The following HTR1F variants were observed in gnomAD, a reference collection of about 807,000 sequenced individuals.
HTR1F encodes the protein 5-hydroxytryptamine receptor 1F.
HTR1F carries 17 observed loss-of-function variants against 24.0 expected under a neutral mutation model. The ratio of observed to expected loss-of-function variants is 0.71; its 90% CI spans 0.48 to 1.06. The LOEUF (loss-of-function observed/expected upper bound fraction) is 1.06, where lower values mean the gene tolerates loss of function less well. Among genes scored for constraint, HTR1F ranks in the 50% least tolerant of loss-of-function variants. HTR1F has a pLI of 0.00. For synonymous variants in HTR1F, 186 were observed against 156.8 expected (o/e 1.19, Z -1.39); for missense variants, 391 against 427.8 (o/e 0.91, Z 0.76).
intron 2 of HTR1F, among the ~76,000 whole-genome samples, chr3:87,914,382 C>G (rs1349824402): frequency 6.6e-6 from 1 of 152,166 alleles, no homozygotes; most frequent in Non-Finnish European, 1.5e-5. Flanking sequence ...TCCGATATTG[C>G]AGATTCCATG....
chr3:87,944,650 AG>A (rs771201634), intron 2 of HTR1F, among the ~76,000 whole-genome samples: 8 of 152,358 alleles, frequency 5.3e-5, no homozygotes, highest in Non-Finnish European at 1.2e-4. Context: ...CTAACAGAAT[AG>A]CCCCATACTT....
chr3:87,973,275 G>A (rs1282138978), intron 2 of HTR1F, among the ~76,000 whole-genome samples: 2 of 152,148 alleles, frequency 1.3e-5, no homozygotes, highest in East Asian at 3.8e-4. Context: ...GGTATGTAAA[G>A]AGCTTCCTTT....
intron 2 of HTR1F, among the ~76,000 whole-genome samples, chr3:87,887,790 G>C (rs1705986322): frequency 6.6e-6 from 1 of 152,216 alleles, no homozygotes; most frequent in Admixed American, 6.5e-5. Context: ...ACACCAGTTA[G>C]AACGGCGATC....
At chr3:87,899,530 A>G (rs1308975154) in intron 2 of HTR1F, among the ~76,000 whole-genome samples, 1 of 152,144 alleles carries the variant, frequency 6.6e-6, no homozygotes, top group Non-Finnish European at 1.5e-5. Context: ...TCTATAATTT[A>G]CATAGTAATT....
At chr3:87,961,664 A>G (rs1054219410) in intron 2 of HTR1F, among the ~76,000 whole-genome samples, 2 of 152,178 alleles carry the variant, frequency 1.3e-5, no homozygotes, top group South Asian at 2.1e-4. Flanking sequence ...TTACATGTGA[A>G]CACAGTATCT....
At chr3:87,867,936 C>T (rs1235990970) in intron 2 of HTR1F, among the ~76,000 whole-genome samples, 1 of 152,054 alleles carries the variant, frequency 6.6e-6, no homozygotes, top group East Asian at 1.9e-4. Context: ...TTCTGCTGTG[C>T]AAATGGAATA....
intron 1 of HTR1F, among the ~76,000 whole-genome samples, chr3:87,807,752 G>A (rs976063825): frequency 1.3e-5 from 2 of 151,730 alleles, no homozygotes; most frequent in Non-Finnish European, 2.9e-5. Context: ...TGTTACCTGT[G>A]GGTTTATTAC....
chr3:87,900,562 C>A (rs2065078969), intron 2 of HTR1F, among the ~76,000 whole-genome samples: 1 of 152,048 alleles, frequency 6.6e-6, no homozygotes, highest in African/African-American at 2.4e-5. Context: ...AGGGTAGAAG[C>A]AGGGGAAAAA....
chr3:87,848,931 C>A (rs1340606450), intron 2 of HTR1F, among the ~76,000 whole-genome samples: 1 of 151,472 alleles, frequency 6.6e-6, no homozygotes, highest in East Asian at 1.9e-4. Flanking sequence ...AGGAGAACTA[C>A]AAACCACTGC....
At chr3:87,974,226 T>C (rs1034207000) in intron 2 of HTR1F, among the ~76,000 whole-genome samples, 15 of 152,242 alleles carry the variant, frequency 9.9e-5, no homozygotes, top group Non-Finnish European at 1.3e-4. Flanking sequence ...AGAAAATGTC[T>C]TAACAACAAC....
chr3:87,943,306 A>G (rs1299487531), intron 2 of HTR1F, among the ~76,000 whole-genome samples: 1 of 152,222 alleles, frequency 6.6e-6, no homozygotes, highest in Non-Finnish European at 1.5e-5. Context: ...TAGCAGTAAC[A>G]TTATATCTCT....
intron 2 of HTR1F, among the ~76,000 whole-genome samples, chr3:87,932,515 C>T (rs1704304752): frequency 1.3e-5 from 2 of 152,054 alleles, no homozygotes; most frequent in Admixed American, 6.6e-5. Context: ...TTAGGATTGA[C>T]TTGGCAATGT....
intron 2 of HTR1F, among the ~76,000 whole-genome samples, chr3:87,823,331 T>A (rs937294342): frequency 1.3e-5 from 2 of 152,210 alleles, no homozygotes; most frequent in African/African-American, 2.4e-5. Context: ...AGTATACTGA[T>A]TCTCAGTTAT....
chr3:87,881,527 A>G (rs762620436), intron 2 of HTR1F, among the ~76,000 whole-genome samples: 28 of 152,200 alleles, frequency 1.8e-4, no homozygotes, highest in Non-Finnish European at 5.9e-5. Flanking sequence ...AAGGCAGCAG[A>G]CAGAACAGAG....
chr3:87,948,957 A>C (rs1217226013), intron 2 of HTR1F, among the ~76,000 whole-genome samples: 1 of 152,248 alleles, frequency 6.6e-6, no homozygotes, highest in African/African-American at 2.4e-5. Context: ...AATCTTATTC[A>C]GCAGTATATT....
chr3:87,902,418 C>T (rs919301883), intron 2 of HTR1F, among the ~76,000 whole-genome samples: 20 of 151,918 alleles, frequency 1.3e-4, no homozygotes, highest in African/African-American at 4.8e-4. Flanking sequence ...AAAGTCAATT[C>T]CAAGTAGATC....
intron 2 of HTR1F, among the ~76,000 whole-genome samples, chr3:87,923,780 T>C (rs113223284): frequency 1.3e-4 from 20 of 152,136 alleles, no homozygotes; most frequent in Non-Finnish European, 2.5e-4. Context: ...CTTCTATTTA[T>C]GTGATATATC....
chr3:87,875,398 C>G (rs561102896), intron 2 of HTR1F, among the ~76,000 whole-genome samples: 1 of 150,688 alleles, frequency 6.6e-6, no homozygotes, highest in East Asian at 2.0e-4. Context: ...TGCAGTGAGC[C>G]GAGATCATAC....
chr3:87,933,448 G>T (rs1377335357), intron 2 of HTR1F, among the ~76,000 whole-genome samples: 1 of 152,186 alleles, frequency 6.6e-6, no homozygotes, highest in Non-Finnish European at 1.5e-5. Context: ...TGTATATCTA[G>T]AAAACCCCAT....
Sources: gnomAD v4.1 joint callset for allele counts (sites outside exome capture counted in the v4.1 genomes callset) on GRCh38, gnomAD v4.1.1 for gene constraint, MANE v1.5 for transcripts, NCBI Gene and HGNC (gene_info 2026-07-23, HGNC 2026-07-21) for gene names.